Variants in FARP1 observed in about 807,000 individuals in gnomAD.
FARP1 encodes the protein FERM, ARH/RhoGEF and pleckstrin domain protein 1, also known as FERM, ARHGEF and pleckstrin domain-containing protein 1.
In FARP1, 52 loss-of-function variants were observed where a neutral mutation model predicts 128.8. The ratio of observed to expected loss-of-function variants is 0.40; its 90% CI spans 0.32 to 0.51. The LOEUF is 0.51. Among genes scored for constraint, FARP1 ranks in the 20% least tolerant of loss-of-function variants. The pLI is 0.45. For synonymous variants in FARP1, 580 were observed against 551.8 expected, an observed-to-expected ratio of 1.05 and a Z score of -0.72; for missense variants, 1,333 against 1,367.9, an observed-to-expected ratio of 0.97 and a Z score of 0.40.
At chr13:98,270,103 G>C (rs1332605074) in intron 2 of FARP1, among the ~76,000 whole-genome samples, 1 of 152,166 alleles carries the variant, frequency 6.6e-6, no homozygotes, top group Non-Finnish European at 1.5e-5. Context: ...TAATTTTATA[G>C]AAGGAGAAAT....
At chr13:98,400,480 T>C (rs1440851430) in intron 13 of FARP1, 5 of 152,242 alleles carry the variant, frequency 3.3e-5, no homozygotes, top group Non-Finnish European at 7.3e-5. Context: ...CTTAAAGCAT[T>C]ATTCCGTATT....
intron 2 of FARP1, among the ~76,000 whole-genome samples, chr13:98,276,165 G>A (rs1384930898): frequency 6.6e-6 from 1 of 152,204 alleles, no homozygotes; most frequent in African/African-American, 2.4e-5. Flanking sequence ...ATTAAGCATA[G>A]CTGAAGGCTA....
intron 2 of FARP1, among the ~76,000 whole-genome samples, chr13:98,286,685 C>T (rs1042695548): frequency 4.6e-5 from 7 of 152,160 alleles, no homozygotes; most frequent in African/African-American, 1.7e-4. Flanking sequence ...GACTAAAACA[C>T]CCCTTTTCAG....
At chr13:98,177,957 A>G (rs1254488557) in intron 1 of FARP1, 1 of 152,166 alleles carries the variant, frequency 6.6e-6, no homozygotes, top group Admixed American at 6.5e-5. Flanking sequence ...CCTCCCCTCA[A>G]AGATAACCAC....
intron 2 of FARP1, among the ~76,000 whole-genome samples, chr13:98,229,249 T>C (rs1881972772): frequency 6.6e-6 from 1 of 152,186 alleles, no homozygotes; most frequent in Non-Finnish European, 1.5e-5. Flanking sequence ...AAGATGAAGA[T>C]AGAACACATC....
chr13:98,360,090 CT>C (rs55859311), intron 3 of FARP1, among the ~76,000 whole-genome samples: 71 of 104,588 alleles, frequency 6.8e-4, no homozygotes, highest in East Asian at 2.3e-3. Flanking sequence ...GATTGTGTTG[CT>C]TTTTTTTTTT....
chr13:98,421,328 G>A (rs954615838), intron 16 of FARP1, among the ~76,000 whole-genome samples: 1 of 152,116 alleles, frequency 6.6e-6, no homozygotes, highest in African/African-American at 2.4e-5. Flanking sequence ...ATTCCCCACC[G>A]CCCTCGCCCA....
At chr13:98,430,910 G>A in intron 17 of FARP1, 133 bp from the exon 18 acceptor site, 1 of 656,640 alleles carries the variant, frequency 1.5e-6, no homozygotes, top group South Asian at 1.9e-5. Flanking sequence ...TGAACAATGT[G>A]AAATTTAAGG....
At chr13:98,237,171 G>A (rs1357682140) in intron 2 of FARP1, among the ~76,000 whole-genome samples, 3 of 151,938 alleles carry the variant, frequency 2.0e-5, no homozygotes, top group Non-Finnish European at 4.4e-5. Flanking sequence ...GGGCATGGTG[G>A]TGGGTGCCTA....
At chr13:98,355,799 T>C (rs900622577) in intron 3 of FARP1, among the ~76,000 whole-genome samples, 1 of 149,524 alleles carries the variant, frequency 6.7e-6, no homozygotes, top group African/African-American at 2.4e-5. Context: ...GTTGATTTCT[T>C]TGTGGCATCC....
intron 16 of FARP1, among the ~76,000 whole-genome samples, chr13:98,423,857 T>C (rs1474197505): frequency 6.6e-6 from 1 of 152,246 alleles, no homozygotes; most frequent in Non-Finnish European, 1.5e-5. Flanking sequence ...CTCTCTGCGT[T>C]GATCCGTTGA....
intron 1 of FARP1, among the ~76,000 whole-genome samples, chr13:98,192,405 T>C (rs1879296101): frequency 6.6e-6 from 1 of 152,166 alleles, no homozygotes; most frequent in Non-Finnish European, 1.5e-5. Context: ...CTTTTTTTTT[T>C]CTGAGATGGA....
Position 98,176,805 on chromosome 13 carries a change from G to A in FARP1, c.-24+33313G>A, listed in dbSNP as rs776151178. On this transcript the variant is annotated intron_variant, in intron 1 of 26. Coordinates refer to ENST00000319562, the MANE Select transcript of FARP1 (RefSeq NM_005766.4). This position sits in a 1 kb window ranked among gnomAD's most constrained non-coding sequence, Gnocchi z 6.2. ...AGCTGTGGATTCCCCGGTAGATGTG[G>A]TCGTGCTCCCGACCCCGCAGTGCCT... The A allele has an allele frequency of 1.4e-5, 22 of 1,613,264 alleles. No individual in the cohort carries two copies. The highest frequency in any genetic ancestry group is 1.9e-5 in the Non-Finnish European group (22 of 1,180,028).
intron 2 of FARP1, among the ~76,000 whole-genome samples, chr13:98,312,792 T>C (rs1886536325): frequency 6.6e-6 from 1 of 152,112 alleles, no homozygotes; most frequent in Admixed American, 6.5e-5. Context: ...CTTGAGTCAC[T>C]ATAGAGGCCG....
At chr13:98,370,091 A>G (rs1166332002) in intron 5 of FARP1, among the ~76,000 whole-genome samples, 1 of 152,228 alleles carries the variant, frequency 6.6e-6, no homozygotes, top group East Asian at 1.9e-4. Flanking sequence ...TAGGTAATTG[A>G]AGTAGGAGGA....
intron 2 of FARP1, among the ~76,000 whole-genome samples, chr13:98,250,486 G>A (rs1883269168): frequency 6.6e-6 from 1 of 152,166 alleles, no homozygotes; most frequent in Non-Finnish European, 1.5e-5. Flanking sequence ...ACTTTGGGAG[G>A]CCGAGGCGGG....
intron 11 of FARP1, among the ~76,000 whole-genome samples, 173 bp downstream of exon 11, chr13:98,391,053 A>G (rs1890285375): frequency 6.6e-6 from 1 of 152,120 alleles, no homozygotes; most frequent in South Asian, 2.1e-4. Context: ...AAGGTTTTAG[A>G]GCCCAGGGGC....
At chr13:98,313,242 T>TACACACACACACACACACAC (rs71111943) in intron 2 of FARP1, among the ~76,000 whole-genome samples, 2 of 119,958 alleles carry the variant, frequency 1.7e-5, no homozygotes, top group African/African-American at 3.2e-5. Flanking sequence ...TGGGTCATAA[T>TACACACACACACACACACAC]ACACACACAC....
intron 2 of FARP1, among the ~76,000 whole-genome samples, chr13:98,324,800 C>T (rs1381434258): frequency 1.3e-5 from 2 of 152,210 alleles, no homozygotes; most frequent in African/African-American, 2.4e-5. Flanking sequence ...TGAGCTGAAG[C>T]CCCCATTCCA....
Sources: gnomAD v4.1 joint callset for allele counts (sites outside exome capture counted in the v4.1 genomes callset) on GRCh38, gnomAD v4.1.1 for gene constraint, Gnocchi (gnomAD v3.1) non-coding constraint, MANE v1.5 for transcripts, NCBI Gene and HGNC (gene_info 2026-07-23, HGNC 2026-07-21) for gene names.